Variants in UBE2H observed in about 807,000 individuals in gnomAD.
UBE2H encodes ubiquitin conjugating enzyme E2 H, also known as ubiquitin-conjugating enzyme E2 H.
Under a neutral mutation model 29.0 loss-of-function variants are expected in UBE2H, and 3 were observed. That is an observed-to-expected ratio of 0.10 (90% CI 0.05 to 0.27). The LOEUF (loss-of-function observed/expected upper bound fraction) is 0.27. Among genes scored for constraint, UBE2H ranks in the 10% least tolerant of loss-of-function variants. UBE2H has a pLI of 1.00. For synonymous variants in UBE2H, 69 were observed against 82.9 expected (o/e 0.83, Z 0.91); for missense variants, 68 against 228.2 (o/e 0.30, Z 4.52).
chr7:129,941,112 G>A (rs539763668), intron 1 of UBE2H, among the ~76,000 whole-genome samples: 11 of 152,214 alleles, frequency 7.2e-5, no homozygotes, highest in South Asian at 2.1e-4. Flanking sequence ...AAGCCACCAC[G>A]CCCGGCTAAT....
chr7:129,949,600 C>G (rs1459327524), intron 1 of UBE2H, among the ~76,000 whole-genome samples: 1 of 152,120 alleles, frequency 6.6e-6, no homozygotes, highest in African/African-American at 2.4e-5. Flanking sequence ...AACACTCACT[C>G]CCTGCATAAC....
chr7:129,835,927 G>A lies in UBE2H; in HGVS notation c.428-866C>T, dbSNP rs148257312. ...GAAGATAAGCTGAATGGCCAAATGGGCCTACCAGATTTGAATAACTAGCAC... is the reference window on the plus strand; with the variant it reads ...GAAGATAAGCTGAATGGCCAAATGGACCTACCAGATTTGAATAACTAGCAC... On this transcript the variant is annotated intron_variant, in intron 6 of 6. Transcript: ENST00000355621. Among the ~76,000 whole-genome samples the A allele has an allele frequency of 2.9e-4, 44 of 152,274 alleles. No homozygotes were observed. The East Asian group carries it at 7.9e-3, about 27-fold the overall frequency.
At chr7:129,863,121 C>T (rs1362128586) in intron 3 of UBE2H, among the ~76,000 whole-genome samples, 1 of 152,176 alleles carries the variant, frequency 6.6e-6, no homozygotes, top group Non-Finnish European at 1.5e-5. Context: ...CTGGAGAGCA[C>T]ACTTGGAATT....
intron 6 of UBE2H, among the ~76,000 whole-genome samples, chr7:129,838,490 C>A (rs1805369830): frequency 6.6e-6 from 1 of 151,992 alleles, no homozygotes; most frequent in African/African-American, 2.4e-5. Flanking sequence ...CTAATGCCTG[C>A]CATTGGTTAA....
chr7:129,839,461 G>T lies in UBE2H; in HGVS notation c.299-126C>A. ...CGGGGATGATTCTCCATACGAGTGT[G>T]CTCTATTACATGTGACTTGTATTAC... is the stretch of plus-strand genomic sequence containing the variant. On this transcript the variant is annotated intron_variant, in intron 5 of 6. Transcript: ENST00000355621. 2.3e-6 allele frequency: 3 copies of T among 1,294,476 alleles called. No individual in the cohort carries two copies. In the South Asian group the frequency reaches 4.0e-5, roughly 17 times the overall value. 80.2% of individuals were successfully genotyped at this position (1,294,476 alleles called of 1,614,324 possible).
At chr7:129,943,392 A>C (rs13241892) in intron 1 of UBE2H, among the ~76,000 whole-genome samples, 1 of 152,232 alleles carries the variant, frequency 6.6e-6, no homozygotes, top group Non-Finnish European at 1.5e-5. Context: ...GCTAACAAAA[A>C]TATTTCACAA....
At chr7:129,951,927 G>C (rs896471077) in intron 1 of UBE2H, among the ~76,000 whole-genome samples, 1 of 152,142 alleles carries the variant, frequency 6.6e-6, no homozygotes, top group South Asian at 2.1e-4. Flanking sequence ...TAACAGGAGG[G>C]ACTGACTGAA....
At chr7:129,943,623 C>CA (rs1807692127) in intron 1 of UBE2H, among the ~76,000 whole-genome samples, 1 of 152,150 alleles carries the variant, frequency 6.6e-6, no homozygotes, top group African/African-American at 2.4e-5. Context: ...CCAGATTGGC[C>CA]AGGCATCGTG....
chr7:129,950,956 G>A (rs959828061), intron 1 of UBE2H, among the ~76,000 whole-genome samples: 1 of 152,028 alleles, frequency 6.6e-6, no homozygotes, highest in Non-Finnish European at 1.5e-5. Context: ...TAGTTGCTCC[G>A]CTCTAATCTC....
intron 3 of UBE2H, among the ~76,000 whole-genome samples, chr7:129,869,902 C>G (rs10261367): frequency 0.19 from 28,736 of 152,052 alleles, 3,077 homozygotes; most frequent in African/African-American, 0.28. Context: ...CTTCCCTTCC[C>G]CTTTCTCTAG....
intron 1 of UBE2H, among the ~76,000 whole-genome samples, chr7:129,897,754 T>C (rs1435876620): frequency 6.6e-6 from 1 of 152,168 alleles, no homozygotes; most frequent in East Asian, 1.9e-4. Flanking sequence ...CAGTACCCAT[T>C]ATCTGTTGGA....
At chr7:129,854,971 A>C (rs1054506022) in intron 5 of UBE2H, among the ~76,000 whole-genome samples, 2 of 152,246 alleles carry the variant, frequency 1.3e-5, no homozygotes, top group Non-Finnish European at 2.9e-5. Context: ...GTTTCTAAGA[A>C]GTGTCCAGAA....
intron 1 of UBE2H, among the ~76,000 whole-genome samples, chr7:129,892,345 G>C (rs561627351): frequency 6.6e-6 from 1 of 151,982 alleles, no homozygotes; most frequent in East Asian, 1.9e-4. Context: ...TCCACCTCCT[G>C]GGTTCAAGCG....
chr7:129,917,373 T>A (rs538026141), intron 1 of UBE2H, among the ~76,000 whole-genome samples: 1 of 152,158 alleles, frequency 6.6e-6, no homozygotes, highest in Non-Finnish European at 1.5e-5. Context: ...AATGAAATAG[T>A]CCCAGCCCCT....
intron 5 of UBE2H, among the ~76,000 whole-genome samples, chr7:129,852,543 T>C (rs1005396614): frequency 2.0e-5 from 3 of 152,238 alleles, no homozygotes; most frequent in East Asian, 1.9e-4. Flanking sequence ...GTCAATTTTA[T>C]TTGCCTGTTA....
Position 129,925,043 on chromosome 7 carries a change from C to T in UBE2H, c.53+27460G>A, listed in dbSNP as rs377173803. 3.3e-5 allele frequency among the ~76,000 whole-genome samples: 5 copies of T among 152,038 alleles called. No individual in the cohort carries two copies. The East Asian group carries it at 7.7e-4, about 23-fold the overall frequency. On this transcript the variant is annotated intron_variant, in intron 1 of 6. Coordinates refer to ENST00000355621, the MANE Select transcript of UBE2H (RefSeq NM_003344.4). ...CCCAGTCCCCCAGCAAAGCAGAACC[C>T]GAAAGACATAAGATATTCACAAATG...
chr7:129,929,232 A>C (rs1807337607), intron 1 of UBE2H, among the ~76,000 whole-genome samples: 1 of 151,476 alleles, frequency 6.6e-6, no homozygotes, highest in Non-Finnish European at 1.5e-5. Context: ...CAGGAGAATC[A>C]CTTGAATCCA....
intron 3 of UBE2H, among the ~76,000 whole-genome samples, chr7:129,870,120 T>C (rs1249855318): frequency 1.3e-5 from 2 of 152,116 alleles, no homozygotes; most frequent in African/African-American, 2.4e-5. Context: ...ACACATACTC[T>C]TTCTCCCTGC....
intron 5 of UBE2H, among the ~76,000 whole-genome samples, chr7:129,853,629 C>T (rs1412945475): frequency 6.6e-6 from 1 of 152,188 alleles, no homozygotes; most frequent in African/African-American, 2.4e-5. Context: ...GAGTAAACCA[C>T]AATTATACCA....
Sources: allele counts gnomAD v4.1 joint callset (sites outside exome capture counted in the v4.1 genomes callset), GRCh38; gene constraint gnomAD v4.1.1; transcripts MANE v1.5; gene names NCBI Gene and HGNC (gene_info 2026-07-23, HGNC 2026-07-21).